The following EPHB2 variants were observed in gnomAD, a reference collection of about 807,000 sequenced individuals.
EPHB2 encodes the protein ephrin type-B receptor 2.
EPHB2 carries 18 observed loss-of-function variants against 96.4 expected under a neutral mutation model. The observed-to-expected ratio is 0.19, with a 90% CI of 0.13 to 0.28. The LOEUF (loss-of-function observed/expected upper bound fraction) is 0.28, where lower values mean the gene tolerates loss of function less well. Ranked by LOEUF, EPHB2 falls within the 10% of genes least tolerant of loss-of-function variation. EPHB2 has a pLI of 1.00. For missense variants in EPHB2, 989 were observed against 1,355.4 expected, an observed-to-expected ratio of 0.73 and a Z score of 4.25; for synonymous variants, 506 against 534.1, an observed-to-expected ratio of 0.95 and a Z score of 0.72.
intron 3 of EPHB2, among the ~76,000 whole-genome samples, chr1:22,827,672 A>T (rs138178750): frequency 3.3e-5 from 5 of 152,222 alleles, no homozygotes; most frequent in Non-Finnish European, 5.9e-5. Context: ...TAAGTCCTCA[A>T]TCAAACCATG....
At chr1:22,862,649 G>C (rs142875358) in intron 3 of EPHB2, among the ~76,000 whole-genome samples, 33 of 152,198 alleles carry the variant, frequency 2.2e-4, no homozygotes, top group African/African-American at 7.2e-4. Flanking sequence ...GTAACCCAAG[G>C]ATCTAGTTCT....
chr1:22,895,671 C>A, intron 8 of EPHB2, 91 bp downstream of exon 8: 2 of 1,209,586 alleles, frequency 1.7e-6, no homozygotes, highest in Non-Finnish European at 2.4e-6. Context: ...GCTGGTGAAC[C>A]GAGGAGGCAT....
chr1:22,736,580 G>C (rs1168966822), intron 1 of EPHB2, among the ~76,000 whole-genome samples: 1 of 152,192 alleles, frequency 6.6e-6, no homozygotes, highest in African/African-American at 2.4e-5. Flanking sequence ...CCGCGGTCTG[G>C]TTCCCAGAGG....
intron 3 of EPHB2, among the ~76,000 whole-genome samples, chr1:22,823,103 A>G: frequency 6.6e-6 from 1 of 152,206 alleles, no homozygotes; most frequent in East Asian, 1.9e-4. Flanking sequence ...CCTGGGTCCA[A>G]GTTAGCTCTG....
chr1:22,900,607 C>T (rs963456239), intron 9 of EPHB2, among the ~76,000 whole-genome samples: 1 of 152,118 alleles, frequency 6.6e-6, no homozygotes, highest in East Asian at 1.9e-4. Context: ...CTCCCATGCT[C>T]CGTCTCCTGG....
At chr1:22,815,253 T>A (rs1009412050) in intron 3 of EPHB2, among the ~76,000 whole-genome samples, 11 of 150,522 alleles carry the variant, frequency 7.3e-5, no homozygotes, top group Admixed American at 4.6e-4. Flanking sequence ...AGGCTAGAGA[T>A]GGAAGGTGGG....
intron 6 of EPHB2, 74 bp from the exon 7 acceptor site, chr1:22,892,810 G>A: frequency 1.3e-6 from 2 of 1,593,950 alleles, no homozygotes; most frequent in Non-Finnish European, 1.7e-6. Context: ...CCCCAATGTG[G>A]CAGGAGCAGG....
chr1:22,747,313 C>T lies in EPHB2; in HGVS notation c.62-34108C>T, dbSNP rs374260029. 3.3e-4 allele frequency among the ~76,000 whole-genome samples: 51 copies of T among 152,306 alleles called. 1 individual carries two copies. Among genetic ancestry groups the T allele is most frequent in the African/African-American group, 9.6e-4 (40 of 41,570 alleles). On this transcript the variant is annotated intron_variant, in intron 1 of 15. Coordinates refer to ENST00000374630, the MANE Select transcript of EPHB2 (RefSeq NM_017449.5). ...AAATTTATTAAGCCCTTTTTCTGTG[C>T]CAAAGCACTCTGATAAGTGCTTTTA...
chr1:22,870,099 C>T (rs1465880794), intron 5 of EPHB2, among the ~76,000 whole-genome samples: 3 of 152,140 alleles, frequency 2.0e-5, no homozygotes, highest in Admixed American at 6.5e-5. Flanking sequence ...CGGTTTTAAA[C>T]AGACCCTAAA....
chr1:22,901,722 G>T (rs1639752104), intron 9 of EPHB2, among the ~76,000 whole-genome samples: 1 of 152,146 alleles, frequency 6.6e-6, no homozygotes, highest in Non-Finnish European at 1.5e-5. Flanking sequence ...CAGCCTGAGG[G>T]TTACAAGTGG....
intron 1 of EPHB2, among the ~76,000 whole-genome samples, chr1:22,735,932 G>A (rs1429317959): frequency 6.6e-6 from 1 of 152,192 alleles, no homozygotes; most frequent in Non-Finnish European, 1.5e-5. Flanking sequence ...ATCTTGTACA[G>A]TGGATAAGAG....
rs570402295 is a variant in EPHB2 at position 22,775,602 on chromosome 1, T to C, written c.62-5819T>C. On this transcript the variant is annotated intron_variant, in intron 1 of 15. Coordinates refer to ENST00000374630, the MANE Select transcript of EPHB2 (RefSeq NM_017449.5). ...GCTAACGACTTCAGTGTGTCTCCCC[T>C]TTAAGTTCAAATATTTCTGAAATGT... Among the ~76,000 whole-genome samples, 6 of 152,368 alleles carry C rather than the reference T, an allele frequency of 3.9e-5. No homozygotes were observed. In the East Asian group the frequency reaches 7.7e-4, roughly 20 times the overall value.
intron 1 of EPHB2, among the ~76,000 whole-genome samples, chr1:22,755,426 C>T (rs1212726096): frequency 6.6e-6 from 1 of 152,200 alleles, no homozygotes; most frequent in Non-Finnish European, 1.5e-5. Flanking sequence ...AATGGGCACA[C>T]TGAGGTCTGA....
At chr1:22,724,006 G>T (rs1199052031) in intron 1 of EPHB2, among the ~76,000 whole-genome samples, 6 of 152,208 alleles carry the variant, frequency 3.9e-5, no homozygotes. Context: ...TGTACCCATG[G>T]CCATTTGGCC....
chr1:22,800,796 A>ACG (rs751937402), intron 3 of EPHB2, among the ~76,000 whole-genome samples: 1 of 95,504 alleles, frequency 1.0e-5, no homozygotes, highest in African/African-American at 3.4e-5. Flanking sequence ...ACACACACAC[A>ACG]CTCTCTCTCT....
In EPHB2 at chr1:22,860,146, G is replaced by A. The variant is rs563946063; in HGVS notation, c.812-2891G>A. Among the ~76,000 whole-genome samples, 1 of 151,154 alleles carries A rather than the reference G, an allele frequency of 6.6e-6. No homozygotes were observed. Among genetic ancestry groups the A allele is most frequent in the Non-Finnish European group, 1.5e-5 (1 of 67,790 alleles). On this transcript the variant is annotated intron_variant, in intron 3 of 15. Transcript: ENST00000374630. The surrounding 1 kb of genome is among the most constrained non-coding windows in gnomAD (Gnocchi z 4.6). ...GTATTCCAACGTATGTGCCATTGTG[G>A]ATTTTTAAGACTTGGAAAGGTCTGC...
chr1:22,777,425 T>C (rs1644467751), intron 1 of EPHB2, among the ~76,000 whole-genome samples: 1 of 152,182 alleles, frequency 6.6e-6, no homozygotes, highest in Admixed American at 6.5e-5. Flanking sequence ...ACGTGAGTTC[T>C]CTCCCTTTGT....
intron 3 of EPHB2, among the ~76,000 whole-genome samples, chr1:22,850,370 T>A (rs1198160528): frequency 6.6e-6 from 1 of 152,166 alleles, no homozygotes; most frequent in Non-Finnish European, 1.5e-5. Context: ...GACCCGCACG[T>A]GGGGCGGTTT....
intron 1 of EPHB2, among the ~76,000 whole-genome samples, chr1:22,721,145 GA>G (rs1210608992): frequency 6.6e-6 from 1 of 152,132 alleles, no homozygotes; most frequent in African/African-American, 2.4e-5. Context: ...TAGAGGAAAA[GA>G]AAAAATTCTA....
Sources: allele counts gnomAD v4.1 joint callset (sites outside exome capture counted in the v4.1 genomes callset), GRCh38; gene constraint gnomAD v4.1.1; non-coding constraint Gnocchi (gnomAD v3.1); transcripts MANE v1.5; gene names NCBI Gene and HGNC (gene_info 2026-07-23, HGNC 2026-07-21).